KTN1: variants seen among roughly 807,000 people sequenced by gnomAD.
KTN1 encodes kinectin 1.
KTN1 carries 130 observed loss-of-function variants against 222.5 expected under a neutral mutation model. The ratio of observed to expected loss-of-function variants is 0.58; its 90% CI spans 0.51 to 0.68. KTN1 has a LOEUF of 0.68. Ranked by LOEUF, KTN1 falls within the 30% of genes least tolerant of loss-of-function variation. The pLI is 0.00. For synonymous variants in KTN1, 512 were observed against 496.3 expected (o/e 1.03, Z -0.42); for missense variants, 1,508 against 1,500.4 (o/e 1.01, Z -0.08).
At chr14:55,612,912 A>G (rs2140634681) in intron 2 of KTN1, among the ~76,000 whole-genome samples, 1 of 151,964 alleles carries the variant, frequency 6.6e-6, no homozygotes, top group South Asian at 2.1e-4. Context: ...GAAAAAAAAA[A>G]AACCCCATAC....
At chr14:55,600,649 A>G (rs922282124) in intron 1 of KTN1, among the ~76,000 whole-genome samples, 30 of 151,498 alleles carry the variant, frequency 2.0e-4, no homozygotes, top group African/African-American at 6.5e-4. Flanking sequence ...AAGGAAAAGC[A>G]GGTCAAGATG....
chr14:55,669,552 T>C (rs2045253166), intron 34 of KTN1, among the ~76,000 whole-genome samples: 1 of 151,940 alleles, frequency 6.6e-6, no homozygotes, highest in Admixed American at 6.6e-5. Flanking sequence ...TTTTTTACTG[T>C]TTCCTCTTGC....
intron 41 of KTN1, among the ~76,000 whole-genome samples, chr14:55,676,634 A>G (rs2045910643): frequency 1.3e-5 from 2 of 152,190 alleles, no homozygotes; most frequent in East Asian, 1.9e-4. Flanking sequence ...TCAACATGGT[A>G]TGAGAACATG....
In KTN1 at chr14:55,667,132, T is replaced by A. The variant is rs906592286; in HGVS notation, c.3178-109T>A. ...ATTTGTTAGTATTAAAAATTTTTTT[T>A]AAACTTTTTCTTCCCGTAGAATTAT... On this transcript the variant is annotated intron_variant, in intron 33 of 43. Coordinates refer to ENST00000395314, the MANE Select transcript of KTN1 (RefSeq NM_001079521.2). 3.4e-5 allele frequency: 24 copies of A among 698,208 alleles called. No homozygotes were observed. The Admixed American group carries it at 5.3e-4, about 15-fold the overall frequency. 43.3% of individuals were successfully genotyped at this position (698,208 alleles called of 1,614,324 possible).
chr14:55,661,391 CTT>C (rs2044123673), intron 31 of KTN1, 129 bp from the exon 32 acceptor site: 1 of 560,530 alleles, frequency 1.8e-6, no homozygotes, highest in Middle Eastern at 4.7e-4. Context: ...TAGGTAGACT[CTT>C]TAATGTACTT....
At chr14:55,580,783 G>C (rs1214873402) in intron 1 of KTN1, among the ~76,000 whole-genome samples, 3 of 152,164 alleles carry the variant, frequency 2.0e-5, no homozygotes, top group African/African-American at 7.2e-5. Flanking sequence ...CGCCTCCTCG[G>C]CCGGTGGACG....
intron 1 of KTN1, among the ~76,000 whole-genome samples, chr14:55,599,124 T>G (rs1043654341): frequency 6.6e-6 from 1 of 152,234 alleles, no homozygotes; most frequent in African/African-American, 2.4e-5. Flanking sequence ...TTTGTATGTC[T>G]GTGTACATAT....
chr14:55,585,850 A>G (rs1211557557), intron 1 of KTN1, among the ~76,000 whole-genome samples: 1 of 152,206 alleles, frequency 6.6e-6, no homozygotes, highest in African/African-American at 2.4e-5. Context: ...TAGGTTCCAT[A>G]GGGGCCGTAG....
At chr14:55,665,747 T>C (rs1031750831) in intron 33 of KTN1, among the ~76,000 whole-genome samples, 19 of 151,984 alleles carry the variant, frequency 1.3e-4, no homozygotes, top group African/African-American at 4.6e-4. Context: ...TATAGTTCAG[T>C]TTTCAATATT....
intron 24 of KTN1, 30 bp from the exon 25 acceptor site, chr14:55,651,860 T>G (rs1201855806): frequency 5.6e-6 from 8 of 1,428,552 alleles, no homozygotes; most frequent in Non-Finnish European, 6.8e-6. Context: ...AAAGGATTAT[T>G]AATTGATTTT....
intron 1 of KTN1, chr14:55,607,605 A>G (rs958058120): frequency 6.6e-6 from 1 of 152,216 alleles, no homozygotes; most frequent in Admixed American, 6.5e-5. Flanking sequence ...CTATTGTTCC[A>G]TGGATATTTC....
intron 43 of KTN1, chr14:55,679,923 T>A: frequency 2.2e-6 from 1 of 459,326 alleles, no homozygotes; most frequent in East Asian, 4.1e-5. Context: ...TCAAACAGAC[T>A]CTCTTGTAAC....
intron 41 of KTN1, among the ~76,000 whole-genome samples, chr14:55,678,097 A>G (rs1017961277): frequency 6.6e-6 from 1 of 152,218 alleles, no homozygotes; most frequent in African/African-American, 2.4e-5. Flanking sequence ...GACTAATACT[A>G]ACCTAAATAT....
In KTN1 at chr14:55,616,671, T is replaced by G. The variant is rs552566893; in HGVS notation, c.661+17T>G. 6.4e-7 allele frequency: 1 copy of G among 1,573,358 alleles called. No homozygotes were observed. Among genetic ancestry groups the G allele is most frequent in the Non-Finnish European group, 8.6e-7 (1 of 1,165,014 alleles). On this transcript the variant is annotated intron_variant, in intron 3 of 43. Coordinates refer to ENST00000395314, the MANE Select transcript of KTN1 (RefSeq NM_001079521.2). ...CAGAAAATGGTGAGATGTTTAGATATGTATTTTTATAATGCTAATTCTAGA... is the reference window on the plus strand; with the variant it reads ...CAGAAAATGGTGAGATGTTTAGATAGGTATTTTTATAATGCTAATTCTAGA...
intron 1 of KTN1, among the ~76,000 whole-genome samples, chr14:55,607,613 T>C (rs922169311): frequency 1.3e-5 from 2 of 152,344 alleles, no homozygotes; most frequent in Non-Finnish European, 2.9e-5. Context: ...CCATGGATAT[T>C]TCTCTCCTGG....
In KTN1 at chr14:55,616,565, A is replaced by T. The variant is rs1251534386; in HGVS notation, c.572A>T (p.Gln191Leu). Residue 191 changes from glutamine (Q) to leucine (L), a missense_variant, in exon 3 of 44, where the codon CAA (glutamine) becomes CTA (leucine). Coordinates refer to ENST00000395314, the MANE Select transcript of KTN1 (RefSeq NM_001079521.2). ...VETLMVPSKRQEALPLHQETK... is the reference protein window; with the variant it reads ...VETLMVPSKRLEALPLHQETK... ...ACTCTCATGGTACCATCAAAAAGGC[A>T]AGAAGCATTGCCCCTCCACCAAGAG... The T allele has an allele frequency of 6.2e-7, 1 of 1,606,880 alleles. No homozygotes were observed. The highest frequency in any genetic ancestry group is 8.5e-7 in the Non-Finnish European group (1 of 1,178,060).
At chr14:55,609,038 T>TAA (rs544387840) in intron 1 of KTN1, among the ~76,000 whole-genome samples, 4 of 142,364 alleles carry the variant, frequency 2.8e-5, no homozygotes, top group Admixed American at 7.0e-5. Context: ...TTTATTCTTC[T>TAA]AAAAAAAAAA....
chr14:55,641,086 G>T, intron 16 of KTN1, 41 bp from the exon 17 acceptor site: 1 of 1,488,562 alleles, frequency 6.7e-7, no homozygotes, highest in South Asian at 1.2e-5. Context: ...TAGATTTTCT[G>T]AATGTATGAA....
chr14:55,683,612 G>A (rs1028913603), intron 43 of KTN1: 4 of 151,266 alleles, frequency 2.6e-5, no homozygotes, highest in Non-Finnish European at 4.4e-5. Context: ...AATTTAACAT[G>A]TTGTGTTTTG....
Sources: allele counts gnomAD v4.1 joint callset (sites outside exome capture counted in the v4.1 genomes callset), GRCh38; gene constraint gnomAD v4.1.1; transcripts MANE v1.5; gene names NCBI Gene and HGNC (gene_info 2026-07-23, HGNC 2026-07-21).